Variants in KIAA1549 observed in about 807,000 individuals in gnomAD.
KIAA1549 encodes KIAA1549.
A neutral mutation model predicts 156.4 loss-of-function variants in KIAA1549; 70 were observed. The ratio of observed to expected loss-of-function variants is 0.45; its 90% CI spans 0.37 to 0.55. KIAA1549 has a LOEUF of 0.55. Among genes scored for constraint, KIAA1549 ranks in the 20% least tolerant of loss-of-function variants. The pLI is 0.00. For synonymous variants in KIAA1549, 1,103 were observed against 1,066.4 expected (o/e 1.03, Z -0.67); for missense variants, 2,428 against 2,540.9 (o/e 0.96, Z 0.96).
Position 138,871,337 on chromosome 7 carries a change from AT to A in KIAA1549, c.4370del (p.Asn1457MetfsTer94). ...AGATGGAGGCTGATGAGTGCTGCTC[AT>A]TTCCCGAACTGGGCAGTGGTGGCCC... Reference protein sequence around the residue: ...QSGPPLPSSGNEQHSSASIFE... With the variant: ...QSGPPLPSSGXEQHSSASIFE... On this transcript the variant is annotated frameshift_variant, in exon 13 of 20. Transcript: ENST00000422774. LOFTEE classifies it high-confidence loss of function. 6.4e-7 allele frequency: 1 copy of A among 1,563,990 alleles called. No individual in the cohort carries two copies. The highest frequency in any genetic ancestry group is 1.2e-5 in the South Asian group (1 of 82,908).
At chr7:138,958,740 G>A (rs1458179401) in intron 1 of KIAA1549, among the ~76,000 whole-genome samples, 1 of 152,034 alleles carries the variant, frequency 6.6e-6, no homozygotes. Flanking sequence ...AACAGTAGAC[G>A]GCAATACTTC....
intron 8 of KIAA1549, among the ~76,000 whole-genome samples, chr7:138,902,511 G>A (rs1811870669): frequency 6.6e-6 from 1 of 152,140 alleles, no homozygotes. Flanking sequence ...AATTCATATG[G>A]AGATGGAAAT....
chr7:138,859,051 A>ACACACACG (rs1363926267), intron 16 of KIAA1549, among the ~76,000 whole-genome samples: 2 of 149,574 alleles, frequency 1.3e-5, no homozygotes, highest in South Asian at 4.3e-4. Flanking sequence ...ACACACACAC[A>ACACACACG]CGAACAGAAA....
chr7:138,909,500 A>C (rs1373554224), intron 4 of KIAA1549, among the ~76,000 whole-genome samples: 1 of 152,260 alleles, frequency 6.6e-6, no homozygotes, highest in Non-Finnish European at 1.5e-5. Flanking sequence ...TAGTGTCCAC[A>C]AAAACGTTCA....
intron 4 of KIAA1549, 48 bp from the exon 5 acceptor site, chr7:138,909,169 C>A (rs1260019192): frequency 1.9e-6 from 3 of 1,574,638 alleles, no homozygotes; most frequent in East Asian, 2.3e-5. Context: ...GTTTGTGCTT[C>A]TGAAGTATTA....
Position 138,837,739 on chromosome 7 carries a change from A to G in KIAA1549, c.*167T>C. 4.4e-6 allele frequency: 3 copies of G among 674,236 alleles called. No homozygotes were observed. The highest frequency in any genetic ancestry group is 7.4e-6 in the Non-Finnish European group (3 of 405,332). 41.8% of individuals were successfully genotyped at this position (674,236 alleles called of 1,614,324 possible). A position where few individuals can be genotyped will look rare whatever the true frequency, so the allele number is the denominator to read the frequency against. On this transcript the variant is annotated 3_prime_UTR_variant, in exon 20 of 20. Coordinates refer to ENST00000422774, the MANE Select transcript of KIAA1549 (RefSeq NM_001164665.2). The stretch of plus-strand genomic sequence containing the variant: ...TTGCCAGCCCAGTGAAAGGCTCATG[A>G]GCTGTCACACGACGTATGGCATCTT...
intron 1 of KIAA1549, among the ~76,000 whole-genome samples, chr7:138,947,456 G>A (rs1813370585): frequency 6.6e-6 from 1 of 152,000 alleles, no homozygotes; most frequent in Non-Finnish European, 1.5e-5. Flanking sequence ...CCAGCCCAGG[G>A]GGTAGTCTCA....
At chr7:138,842,161 A>G (rs1809940437) in intron 18 of KIAA1549, among the ~76,000 whole-genome samples, 1 of 152,204 alleles carries the variant, frequency 6.6e-6, no homozygotes, top group Non-Finnish European at 1.5e-5. Flanking sequence ...ACAGGGAGAA[A>G]AGCACACCTT....
In KIAA1549 at chr7:138,981,335, T is replaced by G; in HGVS notation, c.-66A>C. 1 of 580,750 alleles carries G rather than the reference T, an allele frequency of 1.7e-6. No individual in the cohort carries two copies. Among genetic ancestry groups the G allele is most frequent in the African/African-American group, 2.1e-5 (1 of 48,674 alleles). The allele number at this position is 580,750 out of a possible 1,614,324, so 36.0% of individuals were successfully genotyped here. A position where few individuals can be genotyped will look rare whatever the true frequency, so the allele number is the denominator to read the frequency against. ...TCTCGGGTCCGGGAGGGGCGGCCGC[T>G]GCGGCTGCGGCTGGGACGGGGCGCC... On this transcript the variant is annotated 5_prime_UTR_variant, in exon 1 of 20. Coordinates refer to ENST00000422774, the MANE Select transcript of KIAA1549 (RefSeq NM_001164665.2). The surrounding 1 kb of genome is among the most constrained non-coding windows in gnomAD (Gnocchi z 4.5).
chr7:138,958,924 G>T (rs1813754791), intron 1 of KIAA1549, among the ~76,000 whole-genome samples: 1 of 151,942 alleles, frequency 6.6e-6, no homozygotes, highest in Non-Finnish European at 1.5e-5. Flanking sequence ...TTTTGAGATA[G>T]AGTGTTGCTC....
intron 1 of KIAA1549, among the ~76,000 whole-genome samples, chr7:138,977,803 A>G (rs1814425256): frequency 6.6e-6 from 1 of 152,052 alleles, no homozygotes; most frequent in Non-Finnish European, 1.5e-5. Flanking sequence ...TGGTTCGAGC[A>G]ATTCTCCTGC....
At chr7:138,852,348 G>T in intron 16 of KIAA1549, 79 bp from the exon 17 acceptor site, 2 of 933,700 alleles carry the variant, frequency 2.1e-6, no homozygotes, top group Non-Finnish European at 1.6e-6. Flanking sequence ...TATAAATTCA[G>T]CTTTACAGGA....
At chr7:138,891,427 G>A (rs998665355) in intron 10 of KIAA1549, among the ~76,000 whole-genome samples, 1 of 152,208 alleles carries the variant, frequency 6.6e-6, no homozygotes, top group Non-Finnish European at 1.5e-5. Context: ...ATCCGGGCTG[G>A]AGTTTTTTAG....
At position 138,833,945 on chromosome 7, in the gene KIAA1549, A is replaced by T. The variant is rs878993; in HGVS notation, c.*3961T>A. The T allele has an allele frequency of 3.5e-5, 8 of 231,440 alleles. No homozygotes were observed. The highest frequency in any genetic ancestry group is 5.1e-5 in the Non-Finnish European group (6 of 117,048). 14.3% of individuals were successfully genotyped at this position (231,440 alleles called of 1,614,324 possible). On this transcript the variant is annotated 3_prime_UTR_variant, in exon 20 of 20. Coordinates refer to ENST00000422774, the MANE Select transcript of KIAA1549 (RefSeq NM_001164665.2). ...TAGTGCAGTCGGGGATTCTGTCCCCATATCAAAGCAGATCAAGATCAAGTT... is the reference window on the plus strand; with the variant it reads ...TAGTGCAGTCGGGGATTCTGTCCCCTTATCAAAGCAGATCAAGATCAAGTT...
intron 10 of KIAA1549, among the ~76,000 whole-genome samples, chr7:138,885,881 T>C (rs1469914325): frequency 1.3e-5 from 2 of 152,176 alleles, no homozygotes; most frequent in Non-Finnish European, 2.9e-5. Context: ...ACACTTGTGA[T>C]GGGTGCGGGT....
Position 138,881,469 on chromosome 7 carries a change from T to A in KIAA1549, c.4148A>T (p.Asp1383Val), listed in dbSNP as rs770213038. Residue 1383 changes from aspartate to valine, a missense_variant, in exon 11 of 20, where the codon GAC (aspartate) becomes GTC (valine). Coordinates refer to ENST00000422774, the MANE Select transcript of KIAA1549 (RefSeq NM_001164665.2). Reference sequence around the variant, plus strand: ...TCCATTTTCCGAGGGCGTGGTGTGGTCCTTCAGAGGTCCTGGCAGTGGCGC... The same window carrying A: ...TCCATTTTCCGAGGGCGTGGTGTGGACCTTCAGAGGTCCTGGCAGTGGCGC... ...EPAPLPGPLK[D>V]HTTPSENGDV... The A allele has an allele frequency of 6.8e-6, 11 of 1,613,904 alleles. No homozygotes were observed. The highest frequency in any genetic ancestry group is 9.3e-6 in the Non-Finnish European group (11 of 1,179,898).
rs762823216 is a variant in KIAA1549 at position 138,919,066 on chromosome 7, C to T, written c.560G>A (p.Arg187Lys). ...AGTGAGCATAGGTTCTAATGCTTCC[C>T]TGGGCAGCCCTGGTGGGCTGACTGT... ...YITVSPPGLP[R>K]EALEPMLTPS... Residue 187 changes from arginine to lysine, a missense_variant, in exon 2 of 20, where the codon AGG (arginine) becomes AAG (lysine). Coordinates refer to ENST00000422774, the MANE Select transcript of KIAA1549 (RefSeq NM_001164665.2). 5 of 1,613,870 alleles carry T rather than the reference C, an allele frequency of 3.1e-6. No homozygotes were observed. The highest frequency in any genetic ancestry group is 4.2e-6 in the Non-Finnish European group (5 of 1,179,894).
intron 1 of KIAA1549, among the ~76,000 whole-genome samples, chr7:138,973,097 C>T (rs1229575894): frequency 2.0e-5 from 3 of 152,218 alleles, no homozygotes; most frequent in African/African-American, 7.2e-5. Flanking sequence ...GCTGGGATTA[C>T]AGGCATGAGC....
At position 138,836,070 on chromosome 7, in the gene KIAA1549, CT is replaced by C. The variant is rs1184098661; in HGVS notation, c.*1835del. The C allele has an allele frequency of 4.7e-6, 1 of 212,412 alleles. No individual in the cohort carries two copies. Among genetic ancestry groups the C allele is most frequent in the East Asian group, 7.0e-5 (1 of 14,208 alleles). 13.2% of individuals were successfully genotyped at this position (212,412 alleles called of 1,614,324 possible). A position where few individuals can be genotyped will look rare whatever the true frequency, so the allele number is the denominator to read the frequency against. Reference sequence around the variant, plus strand: ...ATTACACTTTGGAAACCTGTTTTAGCTGTTTCAGGGGTCTTAAAACTTGACA... The same window carrying C: ...ATTACACTTTGGAAACCTGTTTTAGCGTTTCAGGGGTCTTAAAACTTGACA... On this transcript the variant is annotated 3_prime_UTR_variant, in exon 20 of 20. Transcript: ENST00000422774.
Sources: gnomAD v4.1 joint callset for allele counts (sites outside exome capture counted in the v4.1 genomes callset) on GRCh38, gnomAD v4.1.1 for gene constraint, Gnocchi (gnomAD v3.1) non-coding constraint, MANE v1.5 for transcripts, NCBI Gene and HGNC (gene_info 2026-07-23, HGNC 2026-07-21) for gene names.